DCC: variants seen among roughly 807,000 people sequenced by gnomAD.
DCC encodes netrin receptor DCC.
A neutral mutation model predicts 172.5 loss-of-function variants in DCC; 58 were observed. The ratio of observed to expected loss-of-function variants is 0.34; its 90% CI spans 0.27 to 0.42. The LOEUF is 0.42. Among genes scored for constraint, DCC ranks in the 10% least tolerant of loss-of-function variants. The pLI is 1.00. For synonymous variants in DCC, 709 were observed against 644.5 expected (o/e 1.10, Z -1.52); for missense variants, 1,740 against 1,791.0 (o/e 0.97, Z 0.51).
chr18:52,728,542 C>G (rs1335575273), intron 1 of DCC, among the ~76,000 whole-genome samples: 1 of 152,156 alleles, frequency 6.6e-6, no homozygotes, highest in Admixed American at 6.5e-5. Context: ...GAGACAAGTA[C>G]AACCCATATG....
chr18:52,824,771 G>A (rs1197439304), intron 2 of DCC, among the ~76,000 whole-genome samples: 2 of 152,054 alleles, frequency 1.3e-5, no homozygotes, highest in East Asian at 3.9e-4. Flanking sequence ...AGGAGTCCAA[G>A]ACCAACCTGG....
intron 1 of DCC, among the ~76,000 whole-genome samples, chr18:52,693,635 C>T (rs914340609): frequency 9.9e-5 from 15 of 151,686 alleles, no homozygotes; most frequent in Admixed American, 3.3e-4. Flanking sequence ...GATATTGGCT[C>T]CTTGGAGAAA....
At chr18:53,183,939 A>C (rs985832336) in intron 9 of DCC, among the ~76,000 whole-genome samples, 5 of 151,494 alleles carry the variant, frequency 3.3e-5, no homozygotes, top group Non-Finnish European at 5.9e-5. Context: ...TCTTCTTCCT[A>C]AGTTGCAAAA....
intron 1 of DCC, among the ~76,000 whole-genome samples, chr18:52,379,054 CT>C (rs1985475151): frequency 6.6e-6 from 1 of 152,156 alleles, no homozygotes; most frequent in Non-Finnish European, 1.5e-5. Flanking sequence ...CTTAAAGCAT[CT>C]TGTGCCTCAT....
At chr18:52,581,065 C>T (rs890395721) in intron 1 of DCC, among the ~76,000 whole-genome samples, 3 of 152,124 alleles carry the variant, frequency 2.0e-5, no homozygotes, top group East Asian at 1.9e-4. Flanking sequence ...CCTCTAGGCT[C>T]ATTTAGCAAT....
At chr18:53,423,937 T>C (rs1159520841) in intron 21 of DCC, among the ~76,000 whole-genome samples, 1 of 152,062 alleles carries the variant, frequency 6.6e-6, no homozygotes, top group Non-Finnish European at 1.5e-5. Context: ...AAAGTGTAGA[T>C]TGGACAGCTC....
intron 3 of DCC, among the ~76,000 whole-genome samples, chr18:52,907,322 A>ATG (rs1288231985): frequency 6.4e-4 from 95 of 149,006 alleles, no homozygotes; most frequent in African/African-American, 2.1e-3. Context: ...GTATATGTAT[A>ATG]TATCCATATG....
At chr18:52,908,274 C>T (rs1290657041) in intron 3 of DCC, among the ~76,000 whole-genome samples, 1 of 152,178 alleles carries the variant, frequency 6.6e-6, no homozygotes, top group Non-Finnish European at 1.5e-5. Context: ...TGCAGATTCT[C>T]TACTCCATTA....
chr18:52,924,739 A>C (rs2040175575), intron 4 of DCC, among the ~76,000 whole-genome samples: 1 of 152,108 alleles, frequency 6.6e-6, no homozygotes, highest in South Asian at 2.1e-4. Flanking sequence ...ATGATATTAC[A>C]GTATTTTTGA....
chr18:52,738,514 G>C (rs1413807730), intron 1 of DCC, among the ~76,000 whole-genome samples: 1 of 152,050 alleles, frequency 6.6e-6, no homozygotes, highest in Admixed American at 6.6e-5. Flanking sequence ...CTTATATAAG[G>C]CACTTACCAT....
chr18:52,887,517 A>G (rs912401932), intron 2 of DCC, among the ~76,000 whole-genome samples: 1 of 152,150 alleles, frequency 6.6e-6, no homozygotes, highest in Non-Finnish European at 1.5e-5. Flanking sequence ...TTAAACTTTT[A>G]TTTTTAGATC....
At chr18:53,439,731 G>A (rs965114663) in intron 22 of DCC, among the ~76,000 whole-genome samples, 6 of 151,242 alleles carry the variant, frequency 4.0e-5, no homozygotes, top group African/African-American at 1.5e-4. Context: ...ATGGCAGGTA[G>A]AATCAAAGCT....
chr18:52,462,879 A>G (rs1298285999), intron 1 of DCC, among the ~76,000 whole-genome samples: 1 of 150,088 alleles, frequency 6.7e-6, no homozygotes, highest in Non-Finnish European at 1.5e-5. Context: ...AATGACGGAA[A>G]TGTCCTCTCC....
At chr18:52,541,578 T>G (rs967136279) in intron 1 of DCC, among the ~76,000 whole-genome samples, 2 of 152,110 alleles carry the variant, frequency 1.3e-5, no homozygotes, top group African/African-American at 4.8e-5. Context: ...CATGGACAGA[T>G]AAGCACAAGC....
intron 7 of DCC, among the ~76,000 whole-genome samples, chr18:53,133,532 G>A (rs1455942097): frequency 1.3e-5 from 2 of 152,148 alleles, no homozygotes; most frequent in East Asian, 1.9e-4. Flanking sequence ...TTTCTTGGGA[G>A]TATTCTGGTT....
chr18:53,022,206 C>T (rs1347111310), intron 5 of DCC, among the ~76,000 whole-genome samples: 2 of 151,858 alleles, frequency 1.3e-5, no homozygotes, highest in African/African-American at 2.4e-5. Flanking sequence ...TTGTAATAAC[C>T]TATTTTAAAA....
intron 15 of DCC, among the ~76,000 whole-genome samples, chr18:53,371,777 A>T (rs1414103131): frequency 6.6e-6 from 1 of 152,078 alleles, no homozygotes; most frequent in East Asian, 1.9e-4. Context: ...TTTACAAGAA[A>T]AAAAGCCCAT....
At chr18:52,563,267 C>A (rs987142869) in intron 1 of DCC, among the ~76,000 whole-genome samples, 2 of 152,060 alleles carry the variant, frequency 1.3e-5, no homozygotes, top group Admixed American at 6.6e-5. Flanking sequence ...AAAATTACAG[C>A]CATCACTACT....
intron 25 of DCC, among the ~76,000 whole-genome samples, chr18:53,473,641 G>A (rs1393788217): frequency 5.9e-5 from 9 of 152,162 alleles, no homozygotes; most frequent in Non-Finnish European, 1.3e-4. Context: ...ATATTATCAT[G>A]TGGTAAGATT....
Sources: allele counts gnomAD v4.1 joint callset (sites outside exome capture counted in the v4.1 genomes callset), GRCh38; gene constraint gnomAD v4.1.1; transcripts MANE v1.5; gene names NCBI Gene and HGNC (gene_info 2026-07-23, HGNC 2026-07-21).